ZFAND3: variants seen among roughly 807,000 people sequenced by gnomAD.
ZFAND3 encodes zinc finger AN1-type containing 3.
A neutral mutation model predicts 29.6 loss-of-function variants in ZFAND3; 10 were observed. The ratio of observed to expected loss-of-function variants is 0.34; its 90% CI spans 0.21 to 0.57. The LOEUF is 0.57. ZFAND3 is among the 20% of genes least tolerant of loss of function. The probability of loss-of-function intolerance (pLI) is 0.86; values close to 1 mark genes in which losing one functional copy is unlikely to be tolerated. For missense variants in ZFAND3, 230 were observed against 304.5 expected (o/e 0.76, Z 1.82); for synonymous variants, 128 against 112.6 (o/e 1.14, Z -0.87).
intron 2 of ZFAND3, among the ~76,000 whole-genome samples, chr6:37,977,459 G>A (rs1336435287): frequency 6.6e-6 from 1 of 151,990 alleles, no homozygotes; most frequent in Non-Finnish European, 1.5e-5. Context: ...CCACCACTAC[G>A]CCTGGGTAAT....
At chr6:38,142,352 CT>C in intron 5 of ZFAND3, 1 of 469,446 alleles carries the variant, frequency 2.1e-6, no homozygotes, top group Non-Finnish European at 4.4e-6. Context: ...TGAACTGACT[CT>C]TGCCTGCAAA....
chr6:38,142,935 G>C (rs1049987426), intron 5 of ZFAND3: 1 of 152,878 alleles, frequency 6.5e-6, no homozygotes, highest in African/African-American at 2.4e-5. Context: ...TGAGCCTGCA[G>C]CCAGCCCCCG....
At chr6:37,990,743 G>A (rs540132080) in intron 2 of ZFAND3, among the ~76,000 whole-genome samples, 8 of 152,158 alleles carry the variant, frequency 5.3e-5, no homozygotes, top group South Asian at 2.1e-4. Context: ...ACTTAAGCAC[G>A]TTTCAGTTCA....
chr6:38,075,942 T>C (rs1764545756), intron 3 of ZFAND3, among the ~76,000 whole-genome samples: 1 of 152,094 alleles, frequency 6.6e-6, no homozygotes, highest in South Asian at 2.1e-4. Context: ...TTAGTAGAGA[T>C]TGGGTTTCAC....
chr6:37,995,084 G>A (rs1231798675), intron 2 of ZFAND3, among the ~76,000 whole-genome samples: 5 of 152,302 alleles, frequency 3.3e-5, no homozygotes, highest in East Asian at 3.9e-4. Flanking sequence ...AAGCAGAAAG[G>A]TGGTGGCATG....
chr6:38,010,484 G>A (rs933457616), intron 2 of ZFAND3, among the ~76,000 whole-genome samples: 3 of 151,982 alleles, frequency 2.0e-5, no homozygotes. Flanking sequence ...ATTAATTCAG[G>A]TTTGGTGATA....
At chr6:37,829,725 A>G (rs1305133927) in intron 1 of ZFAND3, among the ~76,000 whole-genome samples, 1 of 152,108 alleles carries the variant, frequency 6.6e-6, no homozygotes, top group Non-Finnish European at 1.5e-5. Flanking sequence ...TGTTCCCCCA[A>G]CCTCACCCAT....
intron 5 of ZFAND3, among the ~76,000 whole-genome samples, chr6:38,150,649 T>C (rs1395221527): frequency 6.6e-6 from 1 of 152,228 alleles, no homozygotes; most frequent in East Asian, 1.9e-4. Flanking sequence ...CTTGGGCTCT[T>C]GCTGTTCTTC....
chr6:38,115,099 T>C (rs987158670), intron 4 of ZFAND3, among the ~76,000 whole-genome samples: 4 of 151,946 alleles, frequency 2.6e-5, no homozygotes, highest in African/African-American at 9.7e-5. Flanking sequence ...AGCAAAGATA[T>C]CAAAGGGAAT....
At chr6:38,128,233 G>A (rs1765674891) in intron 5 of ZFAND3, among the ~76,000 whole-genome samples, 1 of 152,180 alleles carries the variant, frequency 6.6e-6, no homozygotes, top group South Asian at 2.1e-4. Flanking sequence ...AGCCTTTAAT[G>A]TGTAGTTAAA....
chr6:37,937,792 C>G lies in ZFAND3; in HGVS notation c.112+7793C>G, dbSNP rs376515742. On this transcript the variant is annotated intron_variant, in intron 2 of 5. Coordinates refer to ENST00000287218, the MANE Select transcript of ZFAND3 (RefSeq NM_021943.3). Reference sequence around the variant, plus strand: ...CTTTGATTTCTTCTAAGCCAGACGCCCAAGAGGGATTTCTCGTGTAACACA... The same window carrying G: ...CTTTGATTTCTTCTAAGCCAGACGCGCAAGAGGGATTTCTCGTGTAACACA... Among the ~76,000 whole-genome samples the G allele has an allele frequency of 1.1e-3, 166 of 152,136 alleles. 5 individuals carry two copies. The South Asian group carries it at 0.033, about 30-fold the overall frequency.
intron 2 of ZFAND3, among the ~76,000 whole-genome samples, chr6:38,016,931 G>A (rs1369462836): frequency 6.6e-6 from 1 of 152,148 alleles, no homozygotes; most frequent in South Asian, 2.1e-4. Flanking sequence ...TCCTTACTAT[G>A]TGTCAGAAAG....
intron 5 of ZFAND3, among the ~76,000 whole-genome samples, chr6:38,145,903 G>A (rs963527230): frequency 6.6e-6 from 1 of 152,210 alleles, no homozygotes; most frequent in Non-Finnish European, 1.5e-5. Flanking sequence ...TTCCGGGTGA[G>A]TGAGCTGAAA....
At chr6:37,940,238 G>C (rs1761788229) in intron 2 of ZFAND3, among the ~76,000 whole-genome samples, 1 of 152,162 alleles carries the variant, frequency 6.6e-6, no homozygotes, top group South Asian at 2.1e-4. Context: ...CAGAGGCTTT[G>C]GCTCCACCAA....
chr6:37,977,109 T>C (rs1003394839), intron 2 of ZFAND3, among the ~76,000 whole-genome samples: 2 of 152,144 alleles, frequency 1.3e-5, no homozygotes, highest in African/African-American at 2.4e-5. Flanking sequence ...CCAAATACTG[T>C]AGGCAATTGT....
At chr6:37,899,395 A>G (rs1765278022) in intron 1 of ZFAND3, among the ~76,000 whole-genome samples, 1 of 152,046 alleles carries the variant, frequency 6.6e-6, no homozygotes, top group Non-Finnish European at 1.5e-5. Flanking sequence ...TCACCATTTA[A>G]TGTGATATTA....
At chr6:37,959,052 A>T (rs1762150628) in intron 2 of ZFAND3, among the ~76,000 whole-genome samples, 1 of 152,218 alleles carries the variant, frequency 6.6e-6, no homozygotes, top group African/African-American at 2.4e-5. Flanking sequence ...TGAAGAATGA[A>T]AGAGCTAAGT....
chr6:38,089,765 G>A (rs1489778618), intron 4 of ZFAND3, among the ~76,000 whole-genome samples: 4 of 152,152 alleles, frequency 2.6e-5, no homozygotes, highest in Non-Finnish European at 2.9e-5. Flanking sequence ...CTAGAGAGTT[G>A]TGTCAGTGGC....
intron 4 of ZFAND3, among the ~76,000 whole-genome samples, chr6:38,111,374 CAT>C (rs1032392354): frequency 2.2e-4 from 34 of 152,246 alleles, no homozygotes; most frequent in African/African-American, 8.2e-4. Context: ...CAACTATTTA[CAT>C]AGTGTTTATA....
Sources: allele counts gnomAD v4.1 joint callset (sites outside exome capture counted in the v4.1 genomes callset), GRCh38; gene constraint gnomAD v4.1.1; transcripts MANE v1.5; gene names NCBI Gene and HGNC (gene_info 2026-07-23, HGNC 2026-07-21).